Variants in ASPH observed in about 807,000 individuals in gnomAD.
The protein encoded by ASPH is aspartate beta-hydroxylase.
A neutral mutation model predicts 118.4 loss-of-function variants in ASPH; 100 were observed. That is an observed-to-expected ratio of 0.84 (90% confidence interval 0.72 to 1.00). The LOEUF is 1.00. ASPH is among the 50% of genes least tolerant of loss of function. The pLI, the probability that ASPH is intolerant of heterozygous loss-of-function variation, is 0.00. For synonymous variants in ASPH, 315 were observed against 325.6 expected (o/e 0.97, Z 0.35); for missense variants, 920 against 919.5 (o/e 1.00, Z -0.01).
At chr8:61,527,688 G>C (rs925172095) in intron 21 of ASPH, among the ~76,000 whole-genome samples, 7 of 152,138 alleles carry the variant, frequency 4.6e-5, no homozygotes, top group Admixed American at 6.5e-5. Context: ...AAGGGTGGCG[G>C]GGGGAAGGAG....
chr8:61,556,028 C>T lies in ASPH; in HGVS notation c.1438-6G>A, dbSNP rs1408221657. The T allele has an allele frequency of 1.9e-6, 3 of 1,611,886 alleles. No individual in the cohort carries two copies. The highest frequency in any genetic ancestry group is 1.7e-6 in the Non-Finnish European group (2 of 1,178,658). On this transcript the variant is annotated splice_polypyrimidine_tract_variant and splice_region_variant and intron_variant, in intron 18 of 24. Coordinates refer to ENST00000379454, the MANE Select transcript of ASPH (RefSeq NM_004318.4). Reference sequence around the variant, plus strand: ...TTAGGTGTCACACTCAGCACCTAAACTCAAAGAAAACACAGAACATAACTC... The same window carrying T: ...TTAGGTGTCACACTCAGCACCTAAATTCAAAGAAAACACAGAACATAACTC...
chr8:61,663,575 T>C (rs1588886032), intron 3 of ASPH: 1 of 985,300 alleles, frequency 1.0e-6, no homozygotes. Context: ...CTGAAGTTAG[T>C]GCCCTGTATC....
rs78393038 is a variant in ASPH at position 61,684,130 on chromosome 8, G to C, written c.162C>G (p.Phe54Leu). The change falls in exon 2 of 25, where the codon TTC becomes TTG. Residue 54 changes from phenylalanine (F) to leucine (L), a missense_variant. By Grantham distance (22) the Phe-to-Leu change is conservative. Coordinates refer to ENST00000379454, the MANE Select transcript of ASPH (RefSeq NM_004318.4). ...ATGCAATCACCATAAACCACGTGAA[G>C]AATGAAGTTCCTGAGAGTCCGCCTT... ...GRKGGLSGTS[F>L]FTWFMVIALL... 5 of 1,613,580 alleles carry C rather than the reference G, an allele frequency of 3.1e-6. No homozygotes were observed. Among genetic ancestry groups the C allele is most frequent in the East Asian group, 4.5e-5 (2 of 44,872 alleles).
chr8:61,617,517 T>A (rs1159868496), intron 14 of ASPH, among the ~76,000 whole-genome samples: 1 of 152,102 alleles, frequency 6.6e-6, no homozygotes, highest in African/African-American at 2.4e-5. Context: ...CTTGTGAGAG[T>A]ATGATGATCG....
chr8:61,621,853 T>A (rs1389340378), intron 13 of ASPH, among the ~76,000 whole-genome samples: 1 of 152,246 alleles, frequency 6.6e-6, no homozygotes, highest in Non-Finnish European at 1.5e-5. Flanking sequence ...CAAGCTCACA[T>A]GTAACTCATA....
At chr8:61,626,893 A>G (rs1853139761) in intron 13 of ASPH, among the ~76,000 whole-genome samples, 1 of 151,948 alleles carries the variant, frequency 6.6e-6, no homozygotes, top group South Asian at 2.1e-4. Flanking sequence ...TTACTATCAC[A>G]GAATTGGATT....
At chr8:61,522,050 A>G (rs1813278055) in intron 22 of ASPH, among the ~76,000 whole-genome samples, 1 of 152,226 alleles carries the variant, frequency 6.6e-6, no homozygotes, top group Non-Finnish European at 1.5e-5. Flanking sequence ...AAATGACTGC[A>G]CATGTGTGGC....
At chr8:61,547,674 AT>A (rs1824420448) in intron 21 of ASPH, among the ~76,000 whole-genome samples, 1 of 152,060 alleles carries the variant, frequency 6.6e-6, no homozygotes, top group African/African-American at 2.4e-5. Context: ...TGAAAATATA[AT>A]TTTTTTAAAA....
chr8:61,626,210 A>G (rs1309547890), intron 13 of ASPH: 30 of 1,460,526 alleles, frequency 2.1e-5, no homozygotes, highest in Non-Finnish European at 1.4e-5. Context: ...TATCACAGCC[A>G]TCTTTTGGAG....
At chr8:61,670,166 TACC>T (rs1223439175) in intron 3 of ASPH, among the ~76,000 whole-genome samples, 1 of 151,652 alleles carries the variant, frequency 6.6e-6, no homozygotes, top group African/African-American at 2.4e-5. Flanking sequence ...GAAAAAAGTA[TACC>T]ACCAAAAACA....
At chr8:61,598,087 C>A (rs1378841980) in intron 14 of ASPH, among the ~76,000 whole-genome samples, 2 of 152,066 alleles carry the variant, frequency 1.3e-5, no homozygotes, top group Non-Finnish European at 2.9e-5. Context: ...AAAAGGAAAA[C>A]AAGAAAACAA....
At chr8:61,685,728 T>C (rs192587382) in intron 1 of ASPH, among the ~76,000 whole-genome samples, 106 of 152,168 alleles carry the variant, frequency 7.0e-4, no homozygotes, top group African/African-American at 2.4e-3. Context: ...TAAATCCATC[T>C]GAGTATATAT....
chr8:61,571,629 A>T (rs1833508103), intron 16 of ASPH, among the ~76,000 whole-genome samples: 2 of 152,220 alleles, frequency 1.3e-5, no homozygotes, highest in Admixed American at 1.3e-4. Flanking sequence ...TGGATATGGA[A>T]CATGAGGATT....
intron 13 of ASPH, among the ~76,000 whole-genome samples, chr8:61,629,787 C>T (rs1257864311): frequency 6.6e-6 from 1 of 152,176 alleles, no homozygotes; most frequent in Non-Finnish European, 1.5e-5. Context: ...AAACTGCTCT[C>T]AAATCTCTCA....
chr8:61,569,456 G>A (rs80120465), intron 16 of ASPH, among the ~76,000 whole-genome samples: 3,714 of 152,018 alleles, frequency 0.024, 110 homozygotes, highest in African/African-American at 0.066. Context: ...ATAAAGTATC[G>A]CTCCATAATT....
chr8:61,625,421 T>C, intron 13 of ASPH: 2 of 985,540 alleles, frequency 2.0e-6, no homozygotes, highest in South Asian at 9.4e-5. Flanking sequence ...GGCAGAATAA[T>C]CTTTAAGTTA....
In ASPH at chr8:61,590,409, G is replaced by C. The variant is rs145386054; in HGVS notation, c.977-6380C>G. Among the ~76,000 whole-genome samples the C allele has an allele frequency of 3.7e-3, 563 of 152,184 alleles. 1 individual carries two copies. Among genetic ancestry groups the C allele is most frequent in the African/African-American group, 0.012 (518 of 41,526 alleles). ...GCAAGACAGAGAGTGGAAAACTGTG[G>C]CTCCCATCTGCACCAGTGAAGGACT... On this transcript the variant is annotated intron_variant, in intron 14 of 24. Coordinates refer to ENST00000379454, the MANE Select transcript of ASPH (RefSeq NM_004318.4).
intron 15 of ASPH, chr8:61,578,127 A>G: frequency 2.2e-6 from 3 of 1,352,782 alleles, no homozygotes; most frequent in Non-Finnish European, 3.0e-6. Flanking sequence ...GCTCCCATTC[A>G]AAATGGGAGA....
In ASPH at chr8:61,512,558, C is replaced by T. The variant is rs368132391; in HGVS notation, c.2126+4970G>A. Among the ~76,000 whole-genome samples the T allele has an allele frequency of 3.4e-4, 52 of 152,260 alleles. 1 individual carries two copies. The South Asian group carries it at 5.6e-3, about 16-fold the overall frequency. ...TTTTATACTTTGGCCTCCAGAACCA[C>T]GAAATAATACATTTCTGTTGTTGTA... On this transcript the variant is annotated intron_variant, in intron 24 of 24. Coordinates refer to ENST00000379454, the MANE Select transcript of ASPH (RefSeq NM_004318.4).
Sources: allele counts gnomAD v4.1 joint callset (sites outside exome capture counted in the v4.1 genomes callset), GRCh38; gene constraint gnomAD v4.1.1; transcripts MANE v1.5; gene names NCBI Gene and HGNC (gene_info 2026-07-23, HGNC 2026-07-21).